Variants in HMGCLL1 observed in about 807,000 individuals in gnomAD.
HMGCLL1 encodes 3-hydroxymethyl-3-methylglutaryl-CoA lyase, cytoplasmic.
In HMGCLL1, 36 loss-of-function variants were observed where a neutral mutation model predicts 39.1. The observed-to-expected ratio is 0.92, with a 90% confidence interval of 0.71 to 1.22. The LOEUF (loss-of-function observed/expected upper bound fraction) is 1.22, where lower values mean the gene tolerates loss of function less well. Ranked by LOEUF, HMGCLL1 falls within the 50% of genes most tolerant of loss-of-function variation. HMGCLL1 has a pLI of 0.00. For synonymous variants in HMGCLL1, 149 were observed against 144.0 expected (o/e 1.03, Z -0.25); for missense variants, 451 against 416.5 (o/e 1.08, Z -0.72).
chr6:55,454,917 T>C (rs1429750600), intron 7 of HMGCLL1, among the ~76,000 whole-genome samples: 1 of 151,182 alleles, frequency 6.6e-6, no homozygotes, highest in East Asian at 1.9e-4. Flanking sequence ...TGTTTTTACA[T>C]AGATATAAAA....
chr6:55,454,198 G>A (rs1222933001), intron 7 of HMGCLL1, among the ~76,000 whole-genome samples: 1 of 152,126 alleles, frequency 6.6e-6, no homozygotes, highest in Admixed American at 6.5e-5. Context: ...TAATTTAAAA[G>A]ATAGGACACA....
chr6:55,486,494 T>A (rs1302081970), intron 7 of HMGCLL1, among the ~76,000 whole-genome samples: 2 of 152,066 alleles, frequency 1.3e-5, no homozygotes, highest in African/African-American at 4.8e-5. Flanking sequence ...TAAATATGGA[T>A]TATTATCATT....
At chr6:55,444,545 A>C (rs1763733883) in intron 7 of HMGCLL1, among the ~76,000 whole-genome samples, 3 of 152,062 alleles carry the variant, frequency 2.0e-5, no homozygotes, top group African/African-American at 7.2e-5. Context: ...AGGGAAAAAC[A>C]GGTTAGAAGA....
At chr6:55,459,342 GT>G in intron 7 of HMGCLL1, among the ~76,000 whole-genome samples, 1 of 152,100 alleles carries the variant, frequency 6.6e-6, no homozygotes, top group African/African-American at 2.4e-5. Context: ...AATATTAAGA[GT>G]TTAAGGGGGA....
intron 8 of HMGCLL1, among the ~76,000 whole-genome samples, chr6:55,436,521 C>T (rs1038869838): frequency 4.6e-5 from 7 of 151,846 alleles, no homozygotes; most frequent in East Asian, 1.9e-4. Flanking sequence ...TTGTTGTCAC[C>T]GGAGGAGGCA....
chr6:55,441,444 CTTA>C (rs1763594474), intron 7 of HMGCLL1, among the ~76,000 whole-genome samples: 1 of 152,080 alleles, frequency 6.6e-6, no homozygotes, highest in African/African-American at 2.4e-5. Flanking sequence ...TTTGTCAGAT[CTTA>C]TTATGGTATA....
chr6:55,546,896 A>G (rs1174169011), intron 1 of HMGCLL1, among the ~76,000 whole-genome samples: 6 of 152,082 alleles, frequency 3.9e-5, no homozygotes, highest in Non-Finnish European at 7.4e-5. Context: ...TCAAAAGGCT[A>G]TGTTTTATGG....
At chr6:55,523,915 A>C (rs1768171193) in intron 3 of HMGCLL1, among the ~76,000 whole-genome samples, 1 of 151,980 alleles carries the variant, frequency 6.6e-6, no homozygotes, top group South Asian at 2.1e-4. Flanking sequence ...TTCATCTATC[A>C]AAAATATATT....
chr6:55,455,743 A>G (rs1407352032), intron 7 of HMGCLL1, among the ~76,000 whole-genome samples: 1 of 152,188 alleles, frequency 6.6e-6, no homozygotes, highest in African/African-American at 2.4e-5. Context: ...CAAATGAGTT[A>G]GCTTTCAAAA....
the HMGCLL1 span, among the ~76,000 whole-genome samples, chr6:55,612,047 C>A: frequency 1.4e-4 from 21 of 152,112 alleles, no homozygotes; most frequent in Non-Finnish European, 2.4e-4. Flanking sequence ...ATCTAGAATA[C>A]CCCATCGTCT....
intron 7 of HMGCLL1, among the ~76,000 whole-genome samples, chr6:55,441,686 G>T (rs1278474666): frequency 6.6e-6 from 1 of 151,028 alleles, no homozygotes; most frequent in Non-Finnish European, 1.5e-5. Context: ...TCATGTTTTT[G>T]TTTTGTTTTA....
chr6:55,445,872 C>G (rs1048280441), intron 7 of HMGCLL1, among the ~76,000 whole-genome samples: 1 of 152,048 alleles, frequency 6.6e-6, no homozygotes, highest in African/African-American at 2.4e-5. Flanking sequence ...TTTACAACCC[C>G]ACTCACTGTG....
Position 55,477,328 on chromosome 6 carries a change from T to TTAATAATATATATTATATTA in HMGCLL1, c.795+18090_795+18091insTAATATAATATATATTATTA, listed in dbSNP as rs1554143270. Among the ~76,000 whole-genome samples, 5 of 18,060 alleles carry TTAATAATATATATTATATTA rather than the reference T, an allele frequency of 2.8e-4. 1 individual carries two copies. Among genetic ancestry groups the TTAATAATATATATTATATTA allele is most frequent in the African/African-American group, 1.9e-3 (5 of 2,662 alleles). 11.8% of individuals were successfully genotyped at this position (18,060 alleles called of 152,430 possible). ...ATTATATATATAATATATATTATAT[T>TTAATAATATATATTATATTA]ATATAATATATATTATATTTAGATA... On this transcript the variant is annotated intron_variant, in intron 7 of 8. Transcript: ENST00000274901.
chr6:55,531,325 A>C (rs2127448448), intron 3 of HMGCLL1, among the ~76,000 whole-genome samples: 1 of 152,292 alleles, frequency 6.6e-6, no homozygotes, highest in East Asian at 1.9e-4. Context: ...AGACCACTAA[A>C]GAGTCAGAAT....
In HMGCLL1 at chr6:55,517,138, T is replaced by C. The variant is rs116729035; in HGVS notation, c.298-535A>G. 4.3e-3 allele frequency among the ~76,000 whole-genome samples: 662 copies of C among 152,244 alleles called. 4 individuals carry two copies. Among genetic ancestry groups the C allele is most frequent in the African/African-American group, 0.015 (619 of 41,576 alleles). ...AGTTAGTAATAGTTATAAAGCTTTATGTAACACTATCATAGTATTACCACG... is the reference window on the plus strand; with the variant it reads ...AGTTAGTAATAGTTATAAAGCTTTACGTAACACTATCATAGTATTACCACG... On this transcript the variant is annotated intron_variant, in intron 3 of 8. Transcript: ENST00000274901.
chr6:55,578,916 G>T, intron 1 of HMGCLL1, 32 bp downstream of exon 1: 1 of 1,515,596 alleles, frequency 6.6e-7, no homozygotes, highest in Non-Finnish European at 9.1e-7. Context: ...GTGCGCATGA[G>T]GGTGGGGACA....
intron 1 of HMGCLL1, among the ~76,000 whole-genome samples, chr6:55,567,366 G>C (rs1397695981): frequency 1.3e-5 from 2 of 152,002 alleles, no homozygotes; most frequent in East Asian, 3.9e-4. Context: ...GATGAATATA[G>C]ATAATAGTTA....
intron 3 of HMGCLL1, among the ~76,000 whole-genome samples, chr6:55,539,206 T>C (rs1769202346): frequency 6.6e-6 from 1 of 152,146 alleles, no homozygotes; most frequent in South Asian, 2.1e-4. Flanking sequence ...TGGCCAGGTA[T>C]AGACAGTCTT....
At chr6:55,627,926 AT>A in the HMGCLL1 span, among the ~76,000 whole-genome samples, 1 of 3,208 alleles carries the variant, frequency 3.1e-4, no homozygotes, top group Non-Finnish European at 5.9e-4. Context: ...TATATAATAT[AT>A]ATACTATATA....
Sources: allele counts gnomAD v4.1 joint callset (sites outside exome capture counted in the v4.1 genomes callset), GRCh38; gene constraint gnomAD v4.1.1; transcripts MANE v1.5; gene names NCBI Gene and HGNC (gene_info 2026-07-23, HGNC 2026-07-21).